IGDCC4: variants seen among roughly 807,000 people sequenced by gnomAD.
IGDCC4 encodes likely ortholog of mouse neighbor of Punc E11.
A neutral mutation model predicts 116.6 loss-of-function variants in IGDCC4; 72 were observed. The ratio of observed to expected loss-of-function variants is 0.62; its 90% CI spans 0.51 to 0.75. The LOEUF (loss-of-function observed/expected upper bound fraction) is 0.75, where lower values mean the gene tolerates loss of function less well. Among genes scored for constraint, IGDCC4 ranks in the 30% least tolerant of loss-of-function variants. The pLI is 0.00. For synonymous variants in IGDCC4, 709 were observed against 719.9 expected (o/e 0.98, Z 0.24); for missense variants, 1,501 against 1,662.4 (o/e 0.90, Z 1.69).
chr15:65,412,076 T>A (rs573712034), intron 1 of IGDCC4, among the ~76,000 whole-genome samples: 1 of 152,232 alleles, frequency 6.6e-6, no homozygotes, highest in East Asian at 1.9e-4. Context: ...AAGTTAGCTG[T>A]ACATGGTGGC....
chr15:65,398,097 C>A (rs1279529586), intron 5 of IGDCC4, among the ~76,000 whole-genome samples: 3 of 152,152 alleles, frequency 2.0e-5, no homozygotes, highest in African/African-American at 7.2e-5. Flanking sequence ...AGGGAGAAAA[C>A]TGTACATAGG....
In IGDCC4 at chr15:65,384,259, G is replaced by A. The variant is rs765458258; in HGVS notation, c.3503C>T (p.Ser1168Leu). The A allele has an allele frequency of 6.9e-6, 11 of 1,605,050 alleles. No individual in the cohort carries two copies. Among genetic ancestry groups the A allele is most frequent in the South Asian group, 1.1e-5 (1 of 90,014 alleles). Residue 1168 changes from serine to leucine, a missense_variant, in exon 20 of 20, where the codon TCG becomes TTG. Around this residue, in one of 3 missense-constraint regions of IGDCC4, gnomAD observed 368 missense variants for 355.6 expected, o/e 1.03. Coordinates refer to ENST00000352385, the MANE Select transcript of IGDCC4 (RefSeq NM_020962.3). The surrounding 1 kb of genome is among the most constrained non-coding windows in gnomAD (Gnocchi z 4.9). Reference sequence around the variant, plus strand: ...CCCCTGCCCTGGATCCCCAACACCCGAGATGAGATCAGGAGCCTCTGGAGG... The same window carrying A: ...CCCCTGCCCTGGATCCCCAACACCCAAGATGAGATCAGGAGCCTCTGGAGG... ...PLPPEAPDLI[S>L]GVGDPGQGAA...
intron 5 of IGDCC4, among the ~76,000 whole-genome samples, chr15:65,398,533 C>CAAAAAA (rs3082803): frequency 1.7e-4 from 13 of 77,610 alleles, no homozygotes; most frequent in South Asian, 5.1e-4. Context: ...AACTCCATCT[C>CAAAAAA]AAAAAAAAAA....
chr15:65,421,412 C>T (rs1212250747), intron 1 of IGDCC4, among the ~76,000 whole-genome samples: 1 of 152,180 alleles, frequency 6.6e-6, no homozygotes, highest in African/African-American at 2.4e-5. Context: ...CAAGCCAGGG[C>T]CTCCAGCTCC....
At position 65,390,023 on chromosome 15, in the gene IGDCC4, C is replaced by T. The variant is rs913067466; in HGVS notation, c.2408+132G>A. 21 of 783,096 alleles carry T rather than the reference C, an allele frequency of 2.7e-5. No homozygotes were observed. In the Middle Eastern group the frequency reaches 1.2e-3, roughly 44 times the overall value. The allele number at this position is 783,096 out of a possible 1,614,324, so 48.5% of individuals were successfully genotyped here. On this transcript the variant is annotated intron_variant, in intron 13 of 19. Transcript: ENST00000352385. ...GTGCAGCCCCTCTGTGTGGCCTCAG[C>T]GTAACAGGTGAGCCATGACATGTTC... is the stretch of plus-strand genomic sequence containing the variant.
rs903321759 is a variant in IGDCC4, at chr15:65,381,953, T to C, written c.*2056A>G. The C allele has an allele frequency of 1.3e-5, 2 of 152,634 alleles. No homozygotes were observed. Among genetic ancestry groups the C allele is most frequent in the Non-Finnish European group, 2.9e-5 (2 of 68,042 alleles). 9.5% of individuals were successfully genotyped at this position (152,634 alleles called of 1,614,324 possible). ...TCCACCCAACCTAATGGGTTATAAATTGTCTCATTTGCAGCTATTTAATTT... is the reference window on the plus strand; with the variant it reads ...TCCACCCAACCTAATGGGTTATAAACTGTCTCATTTGCAGCTATTTAATTT... On this transcript the variant is annotated 3_prime_UTR_variant, in exon 20 of 20. Coordinates refer to ENST00000352385, the MANE Select transcript of IGDCC4 (RefSeq NM_020962.3).
rs766401902 is a variant in IGDCC4 at position 65,385,793 on chromosome 15, T to G, written c.3180+38A>C. On this transcript the variant is annotated intron_variant, in intron 18 of 19. Transcript: ENST00000352385. ...TGTGCTCTGTCGCCCCCTGGTGTCC[T>G]ATTTAGAAAAGAGCCGCAATGTGGG... The G allele has an allele frequency of 2.0e-6, 3 of 1,521,400 alleles. No individual in the cohort carries two copies. The South Asian group carries it at 3.4e-5, about 17-fold the overall frequency. 94.2% of individuals were successfully genotyped at this position (1,521,400 alleles called of 1,614,324 possible).
intron 4 of IGDCC4, among the ~76,000 whole-genome samples, chr15:65,401,716 C>A (rs920304318): frequency 6.6e-6 from 1 of 152,112 alleles, no homozygotes; most frequent in Admixed American, 6.5e-5. Context: ...AGGCACTTTC[C>A]ATTCTTATCT....
rs746256410 is a variant in IGDCC4 at position 65,411,166 on chromosome 15, G to A, written c.275C>T (p.Ser92Phe). 1.9e-6 allele frequency: 3 copies of A among 1,614,214 alleles called. No individual in the cohort carries two copies. The South Asian group carries it at 3.3e-5, about 18-fold the overall frequency. ...TGCTAGTGGCTGGGACAGCCACAGG[G>A]AACCATTGGGCAGCAGGTGTAAGTG... ...HDHLHLLPNG[S>F]LWLSQPLAPN... is the part of the protein sequence containing the mutation. Residue 92 changes from serine (S) to phenylalanine (F), a missense_variant, in exon 2 of 20, where the codon TCC (serine) becomes TTC (phenylalanine). Ser to Phe is a radical substitution (Grantham distance 155). Around this residue, in one of 3 missense-constraint regions of IGDCC4, gnomAD observed 898 missense variants for 978.9 expected, o/e 0.92. Coordinates refer to ENST00000352385, the MANE Select transcript of IGDCC4 (RefSeq NM_020962.3).
intron 18 of IGDCC4, 85 bp from the exon 19 acceptor site, chr15:65,385,200 G>A (rs2091442998): frequency 2.2e-6 from 3 of 1,386,304 alleles, no homozygotes; most frequent in Admixed American, 5.2e-5. Context: ...ATTGGGATGG[G>A]CCGCGGGGGA....
In IGDCC4 at chr15:65,382,179, C is replaced by T. The variant is rs1056026592; in HGVS notation, c.*1830G>A. ...GAAACATACACAGTGGTGTTAGCCA[C>T]AGCAGCGCTGAATGCTACAGAAATA... On this transcript the variant is annotated 3_prime_UTR_variant, in exon 20 of 20. Transcript: ENST00000352385. 2.0e-5 allele frequency: 3 copies of T among 152,236 alleles called. No individual in the cohort carries two copies. The highest frequency in any genetic ancestry group is 2.9e-5 in the Non-Finnish European group (2 of 68,002). 9.4% of individuals were successfully genotyped at this position (152,236 alleles called of 1,614,324 possible). A position where few individuals can be genotyped will look rare whatever the true frequency, so the allele number is the denominator to read the frequency against.
chr15:65,387,441 C>T lies in IGDCC4; in HGVS notation c.2846-785G>A, dbSNP rs187713900. On this transcript the variant is annotated intron_variant, in intron 16 of 19. Coordinates refer to ENST00000352385, the MANE Select transcript of IGDCC4 (RefSeq NM_020962.3). ...TCGGCTCACTGCAAGCTCCTCCTCC[C>T]GGGTTCACGCCATTCTCCTGCCTCA... is the stretch of plus-strand genomic sequence containing the variant. Among the ~76,000 whole-genome samples the T allele has an allele frequency of 7.1e-3, 1,076 of 152,194 alleles. 18 individuals carry two copies. Among genetic ancestry groups the T allele is most frequent in the African/African-American group, 0.024 (997 of 41,538 alleles).
At chr15:65,414,849 C>T (rs1425858046) in intron 1 of IGDCC4, among the ~76,000 whole-genome samples, 1 of 152,180 alleles carries the variant, frequency 6.6e-6, no homozygotes, top group Non-Finnish European at 1.5e-5. Context: ...ACCATTTTGG[C>T]CAGGCTGGTC....
chr15:65,401,066 T>C, intron 4 of IGDCC4, 120 bp from the exon 5 acceptor site: 1 of 1,279,408 alleles, frequency 7.8e-7, no homozygotes, highest in Non-Finnish European at 1.1e-6. Flanking sequence ...TGATTCCATC[T>C]GTCAGATGGG....
In IGDCC4 at chr15:65,413,024, A is replaced by ATGTGTGTGTG. The variant is rs59690408; in HGVS notation, c.71-1664_71-1655dup. Among the ~76,000 whole-genome samples, 1,394 of 146,038 alleles carry ATGTGTGTGTG rather than the reference A, an allele frequency of 9.5e-3. 18 individuals carry two copies. The highest frequency in any genetic ancestry group is 0.032 in the African/African-American group (1,271 of 39,598). ...TAAAATGTATTATAAGTGTGAGAAA[A>ATGTGTGTGTG]TGTGTGTGTGTGTGTGTGTGTGTGT... On this transcript the variant is annotated intron_variant, in intron 1 of 19. Transcript: ENST00000352385.
At chr15:65,389,777 T>A (rs2091494790) in intron 13 of IGDCC4, among the ~76,000 whole-genome samples, 1 of 152,220 alleles carries the variant, frequency 6.6e-6, no homozygotes, top group South Asian at 2.1e-4. Context: ...AACCTCAGGC[T>A]CCTCAGGCTC....
intron 3 of IGDCC4, among the ~76,000 whole-genome samples, chr15:65,404,285 C>A (rs573987573): frequency 3.9e-4 from 59 of 152,316 alleles, no homozygotes; most frequent in African/African-American, 1.3e-3. Context: ...CAGCCTCTCA[C>A]CCTCAGCTCC....
At chr15:65,398,533 C>CAAAAAAAA (rs3082803) in intron 5 of IGDCC4, among the ~76,000 whole-genome samples, 4 of 77,630 alleles carry the variant, frequency 5.2e-5, no homozygotes, top group Admixed American at 1.4e-4. Flanking sequence ...AACTCCATCT[C>CAAAAAAAA]AAAAAAAAAA....
chr15:65,397,251 T>C (rs767531962), intron 5 of IGDCC4, among the ~76,000 whole-genome samples: 1 of 152,164 alleles, frequency 6.6e-6, no homozygotes, highest in Non-Finnish European at 1.5e-5. Context: ...ATATTAATCA[T>C]AGGTGCTCAG....
Sources: gnomAD v4.1 joint callset for allele counts (sites outside exome capture counted in the v4.1 genomes callset) on GRCh38, gnomAD v4.1.1 for gene constraint, gnomAD v4.1.1 regional missense constraint, Gnocchi (gnomAD v3.1) non-coding constraint, MANE v1.5 for transcripts, NCBI Gene and HGNC (gene_info 2026-07-23, HGNC 2026-07-21) for gene names.